The following OPCML variants were observed in gnomAD, a reference collection of about 807,000 sequenced individuals.
OPCML encodes the protein opioid binding protein/cell adhesion molecule like.
OPCML carries 13 observed loss-of-function variants against 37.8 expected under a neutral mutation model. That is an observed-to-expected ratio of 0.34 (90% CI 0.22 to 0.55). The LOEUF is 0.55. Ranked by LOEUF, OPCML falls within the 20% of genes least tolerant of loss-of-function variation. The pLI, the probability that OPCML is intolerant of heterozygous loss-of-function variation, is 0.91. For missense variants in OPCML, 341 were observed against 435.6 expected (o/e 0.78, Z 1.93); for synonymous variants, 176 against 168.8 (o/e 1.04, Z -0.33).
chr11:132,444,542 T>C (rs1016171533), intron 4 of OPCML, among the ~76,000 whole-genome samples: 1 of 152,198 alleles, frequency 6.6e-6, no homozygotes, highest in Non-Finnish European at 1.5e-5. Flanking sequence ...CCTGAGTAGA[T>C]GTCACATCTT....
chr11:132,441,158 C>CTTTTTTGTTTTTTTTTT (rs2096031659), intron 4 of OPCML, among the ~76,000 whole-genome samples: 3 of 108,058 alleles, frequency 2.8e-5, no homozygotes, highest in Middle Eastern at 3.9e-3. Context: ...TCACCAAGGA[C>CTTTTTTGTTTTTTTTTT]TTTTTTGTTT....
chr11:133,146,503 C>A (rs1028290013), intron 1 of OPCML, among the ~76,000 whole-genome samples: 14 of 152,098 alleles, frequency 9.2e-5, no homozygotes, highest in African/African-American at 3.1e-4. Context: ...TTAGTAGAGG[C>A]GGAGTTTCAC....
rs115822066 is a variant in OPCML, at chr11:133,461,959, C to T, written c.61+70305G>A. Among the ~76,000 whole-genome samples, 361 of 151,718 alleles carry T rather than the reference C, an allele frequency of 2.4e-3. 2 individuals carry two copies. Among genetic ancestry groups the T allele is most frequent in the African/African-American group, 8.3e-3 (343 of 41,450 alleles). On this transcript the variant is annotated intron_variant, in intron 1 of 7. Coordinates refer to ENST00000524381, the MANE Select transcript of OPCML (RefSeq NM_001012393.5). ...TAAACCAACGGAGTAGAACAAAGAG[C>T]CAAGAAACAAACCATAAAATATATT...
chr11:133,371,900 T>C (rs147883674), intron 1 of OPCML, among the ~76,000 whole-genome samples: 176 of 152,280 alleles, frequency 1.2e-3, no homozygotes, highest in African/African-American at 3.3e-3. Context: ...GATCGGCATA[T>C]GAAGTGAAAG....
chr11:132,494,806 C>G (rs901943539), intron 4 of OPCML, among the ~76,000 whole-genome samples: 1 of 152,206 alleles, frequency 6.6e-6, no homozygotes, highest in African/African-American at 2.4e-5. Flanking sequence ...AACACAAACA[C>G]CAGCTCCAGA....
At chr11:132,518,044 T>C (rs769457644) in intron 4 of OPCML, among the ~76,000 whole-genome samples, 7 of 152,190 alleles carry the variant, frequency 4.6e-5, no homozygotes, top group Non-Finnish European at 1.0e-4. Context: ...GCTATCAGAA[T>C]AAAGACAAAA....
rs553617547 is a variant in OPCML, at chr11:133,161,985, CTTTTTTTT to C, written c.62-218983_62-218976del. ...AACAGGTAAGAGAGGCAGTCTCTGT[CTTTTTTTT>C]TTTTTTTTTTTTTTTTTGTATAAAA... On this transcript the variant is annotated intron_variant, in intron 1 of 7. Coordinates refer to ENST00000524381, the MANE Select transcript of OPCML (RefSeq NM_001012393.5). Among the ~76,000 whole-genome samples, 481 of 85,490 alleles carry C rather than the reference CTTTTTTTT, an allele frequency of 5.6e-3. 2 individuals are homozygous for C. Among genetic ancestry groups the C allele is most frequent in the African/African-American group, 0.021 (458 of 21,550 alleles). 56.1% of individuals were successfully genotyped at this position (85,490 alleles called of 152,430 possible).
chr11:133,257,282 C>T (rs1941342266), intron 1 of OPCML, among the ~76,000 whole-genome samples: 1 of 152,122 alleles, frequency 6.6e-6, no homozygotes, highest in African/African-American at 2.4e-5. Context: ...AAAGGTTATT[C>T]CTGAATAGGA....
chr11:132,429,034 G>T (rs199813658), intron 7 of OPCML, among the ~76,000 whole-genome samples: 4 of 146,468 alleles, frequency 2.7e-5, no homozygotes, highest in Non-Finnish European at 4.5e-5. Context: ...AATGGATGGA[G>T]GGATGGATGG....
At chr11:133,262,067 A>C (rs1311878833) in intron 1 of OPCML, among the ~76,000 whole-genome samples, 1 of 152,230 alleles carries the variant, frequency 6.6e-6, no homozygotes, top group Non-Finnish European at 1.5e-5. Context: ...TTTTGAAAAA[A>C]TAATTACTTT....
Position 133,173,368 on chromosome 11 carries a change from G to C in OPCML, c.62-230358C>G, listed in dbSNP as rs1950313830. ...TCTTGGAGTCTGAGACTCATAGAGA[G>C]GGTATCGATAGGAGTACAGATCCCA... On this transcript the variant is annotated intron_variant, in intron 1 of 7. Transcript: ENST00000524381. The surrounding 1 kb of genome is among the most constrained non-coding windows in gnomAD (Gnocchi z 7.8). Among the ~76,000 whole-genome samples, 1 of 152,148 alleles carries C rather than the reference G, an allele frequency of 6.6e-6. No individual in the cohort carries two copies.
Position 133,420,161 on chromosome 11 carries a change from A to G in OPCML, c.61+112103T>C, listed in dbSNP as rs925397929. ...TAAATGTTATAGTAATTAAATATAT[A>G]CACACATACACAGACAAACACACAC... On this transcript the variant is annotated intron_variant, in intron 1 of 7. Coordinates refer to ENST00000524381, the MANE Select transcript of OPCML (RefSeq NM_001012393.5). 3 of 585,680 alleles carry G rather than the reference A, an allele frequency of 5.1e-6. No homozygotes were observed. In the African/African-American group the frequency reaches 6.1e-5, roughly 12 times the overall value. 36.3% of individuals were successfully genotyped at this position (585,680 alleles called of 1,614,324 possible).
chr11:132,943,152 G>A lies in OPCML; in HGVS notation c.62-142C>T, dbSNP rs559304341. On this transcript the variant is annotated intron_variant, in intron 1 of 7. Transcript: ENST00000524381. The surrounding 1 kb of genome is among the most constrained non-coding windows in gnomAD (Gnocchi z 4.3). ...CCGCACAGTCCTGGTCCCCCGCCCC[G>A]CGCACCAGCGGGCTCGGGAAGCGGT... 14 of 1,602,356 alleles carry A rather than the reference G, an allele frequency of 8.7e-6. No homozygotes were observed. In the South Asian group the frequency reaches 9.9e-5, roughly 11 times the overall value.
intron 4 of OPCML, among the ~76,000 whole-genome samples, chr11:132,487,917 TC>T (rs1222475335): frequency 2.0e-5 from 3 of 152,236 alleles, no homozygotes; most frequent in Non-Finnish European, 2.9e-5. Flanking sequence ...AATATTTCTA[TC>T]CATGTAGATA....
intron 1 of OPCML, among the ~76,000 whole-genome samples, chr11:133,502,015 CCT>C (rs1307184381): frequency 2.6e-5 from 4 of 152,072 alleles, no homozygotes; most frequent in Non-Finnish European, 5.9e-5. Flanking sequence ...CCCAGCCATT[CCT>C]CTCACCCCCC....
rs747460633 is a variant in OPCML at position 132,437,256 on chromosome 11, C to T, written c.609G>A (p.Ala203=). ...TGATTTTTACTTTCCGCACATCGGG[C>T]GCAGCGACATCGTTCAACGCGCTGC... ...YECSALNDVA[A]PDVRKVKITV... Residue 203 remains alanine, a synonymous_variant, in exon 5 of 8, where the codon GCG becomes GCA. Transcript: ENST00000524381. 5.0e-6 allele frequency: 8 copies of T among 1,614,018 alleles called. No individual in the cohort carries two copies. Among genetic ancestry groups the T allele is most frequent in the African/African-American group, 2.7e-5 (2 of 74,932 alleles).
chr11:132,665,365 C>T (rs1942172682), intron 2 of OPCML, among the ~76,000 whole-genome samples: 1 of 152,206 alleles, frequency 6.6e-6, no homozygotes, highest in Admixed American at 6.5e-5. Context: ...CTCTGGTCCC[C>T]ACAAGCACAG....
At chr11:132,837,006 G>A (rs1252756259) in intron 2 of OPCML, among the ~76,000 whole-genome samples, 1 of 152,158 alleles carries the variant, frequency 6.6e-6, no homozygotes, top group African/African-American at 2.4e-5. Context: ...ACGAGAAGTG[G>A]AAGTGTTTAA....
chr11:132,507,834 A>G (rs573887660), intron 4 of OPCML, among the ~76,000 whole-genome samples: 1 of 147,550 alleles, frequency 6.8e-6, no homozygotes, highest in Non-Finnish European at 1.5e-5. Flanking sequence ...CTACTAAAGC[A>G]AAAACAGTAA....
Sources: gnomAD v4.1 joint callset for allele counts (sites outside exome capture counted in the v4.1 genomes callset) on GRCh38, gnomAD v4.1.1 for gene constraint, Gnocchi (gnomAD v3.1) non-coding constraint, MANE v1.5 for transcripts, NCBI Gene and HGNC (gene_info 2026-07-23, HGNC 2026-07-21) for gene names.